Variants in DNAH17 observed in about 807,000 individuals in gnomAD.
DNAH17 encodes dynein axonemal heavy chain 17, also known as axonemal beta dynein heavy chain 17.
Under a neutral mutation model 485.6 loss-of-function variants are expected in DNAH17, and 376 were observed. The ratio of observed to expected loss-of-function variants is 0.77; its 90% CI spans 0.71 to 0.84. DNAH17 has a LOEUF of 0.84. DNAH17 is among the 40% of genes least tolerant of loss of function. The probability of loss-of-function intolerance (pLI) is 0.00; values close to 1 mark genes in which losing one functional copy is unlikely to be tolerated. For synonymous variants in DNAH17, 3,031 were observed against 2,405.9 expected (o/e 1.26, Z -7.60); for missense variants, 6,370 against 5,839.3 (o/e 1.09, Z -2.96).
At position 78,444,701 on chromosome 17, in the gene DNAH17, T is replaced by C. The variant is rs764927689; in HGVS notation, c.11431A>G (p.Lys3811Glu). 16 of 1,608,764 alleles carry C rather than the reference T, an allele frequency of 9.9e-6. No individual in the cohort carries two copies. In the East Asian group the frequency reaches 1.6e-4, roughly 16 times the overall value. The change falls in exon 71 of 81, where the codon AAG becomes GAG. Residue 3811 changes from lysine (K) to glutamate (E), a missense_variant. Physicochemically the swap from Lys to Glu is moderately conservative, Grantham distance 56. Transcript: ENST00000389840. ...KKLVESEAPE[K>E]EIFPKEWKNK... ...TTCCACTCCTTGGGGAAGATCTCCT[T>C]CTCGGGGGCTTCCGACTCCACCAGC...
chr17:78,486,094 T>G lies in DNAH17; in HGVS notation c.7141A>C (p.Asn2381His). ...GGGAACTTGATAGTCTTGAATTCGTTGATCCACCATTTACTGAACTCCACT... is the reference window on the plus strand; with the variant it reads ...GGGAACTTGATAGTCTTGAATTCGTGGATCCACCATTTACTGAACTCCACT... ...YRVEFSKWWI[N>H]EFKTIKFPSQ... Residue 2381 changes from asparagine (N) to histidine (H), a missense_variant, in exon 46 of 81, where the codon AAC becomes CAC. By Grantham distance (68) the Asn-to-His change is moderately conservative. Transcript: ENST00000389840. 1 of 1,613,912 alleles carries G rather than the reference T, an allele frequency of 6.2e-7. No homozygotes were observed. Among genetic ancestry groups the G allele is most frequent in the Non-Finnish European group, 8.5e-7 (1 of 1,179,878 alleles).
intron 58 of DNAH17, among the ~76,000 whole-genome samples, chr17:78,460,929 A>C (rs1391536916): frequency 6.6e-6 from 1 of 152,160 alleles, no homozygotes; most frequent in Non-Finnish European, 1.5e-5. Flanking sequence ...ACGCTCTTCA[A>C]TAATTACACA....
chr17:78,523,512 TA>T (rs1249085967), intron 25 of DNAH17, among the ~76,000 whole-genome samples: 1 of 151,736 alleles, frequency 6.6e-6, no homozygotes, highest in East Asian at 1.9e-4. Flanking sequence ...ATAACTGGAT[TA>T]AAAAAACTTA....
rs547915898 is a variant in DNAH17 at position 78,500,843 on chromosome 17, G to A, written c.5483+341C>T. The A allele has an allele frequency of 1.7e-5, 4 of 236,154 alleles. No individual in the cohort carries two copies. The South Asian group carries it at 4.9e-4, about 29-fold the overall frequency. 14.6% of individuals were successfully genotyped at this position (236,154 alleles called of 1,614,324 possible). A position where few individuals can be genotyped will look rare whatever the true frequency, so the allele number is the denominator to read the frequency against. Reference sequence around the variant, plus strand: ...CAGAAAACCTTCAGGTGTGAAGGAGGAACCACAACCGTGGAGCAGAGGCAG... The same window carrying A: ...CAGAAAACCTTCAGGTGTGAAGGAGAAACCACAACCGTGGAGCAGAGGCAG... On this transcript the variant is annotated intron_variant, in intron 35 of 80. Coordinates refer to ENST00000389840, the MANE Select transcript of DNAH17 (RefSeq NM_173628.4).
intron 16 of DNAH17, among the ~76,000 whole-genome samples, chr17:78,547,433 G>A: frequency 6.6e-6 from 1 of 152,060 alleles, no homozygotes; most frequent in East Asian, 1.9e-4. Context: ...CTACCTGCTT[G>A]GTAGAAACAT....
intron 62 of DNAH17, among the ~76,000 whole-genome samples, chr17:78,458,252 A>C (rs1157764705): frequency 2.6e-5 from 4 of 152,204 alleles, no homozygotes; most frequent in African/African-American, 9.6e-5. Flanking sequence ...CTGGCTGCGA[A>C]AGGATCCTGG....
chr17:78,442,108 T>C (rs1213687161), intron 71 of DNAH17, among the ~76,000 whole-genome samples: 1 of 152,062 alleles, frequency 6.6e-6, no homozygotes, highest in Non-Finnish European at 1.5e-5. Flanking sequence ...AGTAAGATTT[T>C]AGTGGCCAGC....
rs7405795 is a variant in DNAH17, at chr17:78,476,353, G to A, written c.8154+219C>T. On this transcript the variant is annotated intron_variant, in intron 52 of 80. Transcript: ENST00000389840. ...CCCACAGCCACGTGCCGGAGTTATC[G>A]CGTGGAACCCTCGGACCCACAGCCA... Among the ~76,000 whole-genome samples the A allele has an allele frequency of 9.6e-3, 778 of 80,708 alleles. 10 individuals are homozygous for A. The highest frequency in any genetic ancestry group is 0.049 in the African/African-American group (691 of 14,100). The allele number at this position is 80,708 out of a possible 152,430, so 52.9% of individuals were successfully genotyped here.
intron 71 of DNAH17, 69 bp downstream of exon 71, chr17:78,444,532 ACAG>A (rs1235809008): frequency 7.0e-7 from 1 of 1,428,928 alleles, no homozygotes. Context: ...AGAGTCTAGC[ACAG>A]CCGCTCGGTC....
At chr17:78,510,607 T>C in intron 26 of DNAH17, 101 bp from the exon 27 acceptor site, 1 of 1,509,424 alleles carries the variant, frequency 6.6e-7, no homozygotes. Flanking sequence ...CGGGGCACGA[T>C]CCCGGGCTGC....
In DNAH17 at chr17:78,510,400, TC is replaced by T; in HGVS notation, c.4219del (p.Glu1407SerfsTer8). The T allele has an allele frequency of 6.2e-7, 1 of 1,613,020 alleles. No homozygotes were observed. The highest frequency in any genetic ancestry group is 1.1e-5 in the South Asian group (1 of 91,044). ...VRNIVDKAVK[E>X]SGMEKVLKAL... is the part of the protein sequence containing the mutation. ...ACGGCCTACCTTTTCCATGCCCGAC[TC>T]CTTCACGGCCTTGTCCACGATGTTG... is the stretch of plus-strand genomic sequence containing the variant. On this transcript the variant is annotated frameshift_variant, in exon 27 of 81. Coordinates refer to ENST00000389840, the MANE Select transcript of DNAH17 (RefSeq NM_173628.4). LOFTEE classifies it high-confidence loss of function.
intron 22 of DNAH17, among the ~76,000 whole-genome samples, chr17:78,527,656 C>T (rs1019638262): frequency 2.6e-5 from 4 of 152,110 alleles, no homozygotes; most frequent in Admixed American, 2.0e-4. Context: ...CCCTGGGGAC[C>T]GCTAAGCTCT....
chr17:78,454,136 C>T (rs1284912089), intron 64 of DNAH17, among the ~76,000 whole-genome samples: 2 of 152,156 alleles, frequency 1.3e-5, no homozygotes, highest in Admixed American at 6.5e-5. Context: ...CATTGTTTCT[C>T]AACTGTGATG....
chr17:78,495,320 G>A (rs1293967754), intron 38 of DNAH17, among the ~76,000 whole-genome samples: 7 of 152,076 alleles, frequency 4.6e-5, no homozygotes, highest in East Asian at 3.9e-4. Context: ...CCTCCTCTGA[G>A]AGCCACCCCA....
At chr17:78,497,278 A>C (rs559589127) in intron 37 of DNAH17, among the ~76,000 whole-genome samples, 1 of 152,102 alleles carries the variant, frequency 6.6e-6, no homozygotes. Flanking sequence ...TCACCACTTG[A>C]GGGGGCCCAA....
chr17:78,449,542 G>C lies in DNAH17; in HGVS notation c.11083C>G (p.Pro3695Ala), dbSNP rs747172367. The change falls in exon 69 of 81, where the codon CCT becomes GCT. Residue 3695 changes from proline (P) to alanine (A), a missense_variant. Pro to Ala is a conservative substitution (Grantham distance 27). Coordinates refer to ENST00000389840, the MANE Select transcript of DNAH17 (RefSeq NM_173628.4). ...VFEKAIQRTT[P>A]ANEVKQRVIN... ...ACCCGCTGCTTCACCTCGTTGGCAG[G>C]GGTGGTCCTCTGGATGGCTTTCTCA... The C allele has an allele frequency of 6.2e-7, 1 of 1,604,374 alleles. No homozygotes were observed. Among genetic ancestry groups the C allele is most frequent in the South Asian group, 1.1e-5 (1 of 89,034 alleles).
intron 15 of DNAH17, 45 bp from the exon 16 acceptor site, chr17:78,551,683 G>C (rs757178401): frequency 3.8e-6 from 6 of 1,589,956 alleles, no homozygotes; most frequent in Middle Eastern, 1.7e-4. Flanking sequence ...AACAATTCAG[G>C]CTGGGCGCGG....
At chr17:78,484,243 C>T (rs1276785829) in intron 48 of DNAH17, among the ~76,000 whole-genome samples, 1 of 151,982 alleles carries the variant, frequency 6.6e-6, no homozygotes, top group Non-Finnish European at 1.5e-5. Context: ...GGGATTCTGG[C>T]TGCAGCTGCC....
At position 78,530,381 on chromosome 17, in the gene DNAH17, G is replaced by A. The variant is rs2143299007; in HGVS notation, c.3246C>T (p.Phe1082=). ...ALLSTIRRWG[F]MFKRHLSNHV... is the part of the protein sequence containing the mutation. ...GGTTGCTCAGGTGCCGCTTGAACATGAAGCCCCAGCGCCGGATTGTGCTGA... is the reference window on the plus strand; with the variant it reads ...GGTTGCTCAGGTGCCGCTTGAACATAAAGCCCCAGCGCCGGATTGTGCTGA... Residue 1082 remains phenylalanine (F), a synonymous_variant, in exon 21 of 81, where the codon TTC becomes TTT. Transcript: ENST00000389840. 2 of 1,612,730 alleles carry A rather than the reference G, an allele frequency of 1.2e-6. No individual in the cohort carries two copies. The highest frequency in any genetic ancestry group is 2.2e-5 in the East Asian group (1 of 44,844).
Sources: allele counts gnomAD v4.1 joint callset (sites outside exome capture counted in the v4.1 genomes callset), GRCh38; gene constraint gnomAD v4.1.1; transcripts MANE v1.5; gene names NCBI Gene and HGNC (gene_info 2026-07-23, HGNC 2026-07-21).